The following CSMD1 variants were observed in gnomAD, a reference collection of about 807,000 sequenced individuals.
CSMD1 encodes CUB and sushi domain-containing protein 1.
A neutral mutation model predicts 417.5 loss-of-function variants in CSMD1; 213 were observed. The observed-to-expected ratio is 0.51, with a 90% CI of 0.46 to 0.57. The LOEUF (loss-of-function observed/expected upper bound fraction) is 0.57, where lower values mean the gene tolerates loss of function less well. Ranked by LOEUF, CSMD1 falls within the 20% of genes least tolerant of loss-of-function variation. The pLI is 0.00. For synonymous variants in CSMD1, 2,862 were observed against 1,736.8 expected (o/e 1.65, Z -16.11); for missense variants, 6,923 against 4,529.7 (o/e 1.53, Z -15.17).
At chr8:4,136,204 A>T (rs1456714086) in intron 3 of CSMD1, among the ~76,000 whole-genome samples, 1 of 152,242 alleles carries the variant, frequency 6.6e-6, no homozygotes, top group Non-Finnish European at 1.5e-5. Flanking sequence ...ATGTGAACAC[A>T]AAAATTGATC....
At chr8:4,905,574 CT>C (rs1805190327) in intron 1 of CSMD1, among the ~76,000 whole-genome samples, 1 of 151,962 alleles carries the variant, frequency 6.6e-6, no homozygotes, top group Non-Finnish European at 1.5e-5. Context: ...AATCCCAGCA[CT>C]TTGGGAGGCC....
chr8:4,443,939 A>C (rs904468196), intron 2 of CSMD1, among the ~76,000 whole-genome samples: 2 of 152,168 alleles, frequency 1.3e-5, no homozygotes, highest in Admixed American at 6.5e-5. Flanking sequence ...ATATACATGC[A>C]TATATTCGTG....
At chr8:4,248,934 G>A (rs994666119) in intron 3 of CSMD1, among the ~76,000 whole-genome samples, 1 of 152,192 alleles carries the variant, frequency 6.6e-6, no homozygotes, top group Non-Finnish European at 1.5e-5. Context: ...TTTAATGCAT[G>A]TAGATGCATA....
At chr8:4,001,688 T>C (rs2130367114) in intron 4 of CSMD1, among the ~76,000 whole-genome samples, 1 of 152,300 alleles carries the variant, frequency 6.6e-6, no homozygotes, top group South Asian at 2.1e-4. Flanking sequence ...TTTCCGTTGA[T>C]GAATGAGTGG....
At chr8:4,397,202 T>A (rs981375192) in intron 3 of CSMD1, among the ~76,000 whole-genome samples, 22 of 151,842 alleles carry the variant, frequency 1.4e-4, no homozygotes, top group Admixed American at 4.6e-4. Context: ...GATCCTATTT[T>A]AAAAAAAACA....
At chr8:3,718,646 G>A (rs934729058) in intron 6 of CSMD1, among the ~76,000 whole-genome samples, 1 of 152,148 alleles carries the variant, frequency 6.6e-6, no homozygotes, top group Non-Finnish European at 1.5e-5. Context: ...AGGTAGTATG[G>A]AGGATTAGCG....
At chr8:4,716,117 G>A (rs1047998783) in intron 1 of CSMD1, among the ~76,000 whole-genome samples, 1 of 152,158 alleles carries the variant, frequency 6.6e-6, no homozygotes, top group African/African-American at 2.4e-5. Flanking sequence ...GAGACTCACA[G>A]AGCTGTGAGA....
chr8:4,309,496 A>G (rs1474292130), intron 3 of CSMD1, among the ~76,000 whole-genome samples: 2 of 152,148 alleles, frequency 1.3e-5, no homozygotes, highest in Non-Finnish European at 2.9e-5. Flanking sequence ...TTCTCTCATC[A>G]AATTTCTAAA....
At chr8:3,702,634 C>T (rs1015182812) in intron 7 of CSMD1, among the ~76,000 whole-genome samples, 1 of 152,198 alleles carries the variant, frequency 6.6e-6, no homozygotes, top group Non-Finnish European at 1.5e-5. Flanking sequence ...AATTCAAGAT[C>T]AGCTTTTCCA....
At chr8:4,523,055 G>A (rs1037798001) in intron 2 of CSMD1, among the ~76,000 whole-genome samples, 3 of 152,182 alleles carry the variant, frequency 2.0e-5, no homozygotes, top group Admixed American at 6.5e-5. Context: ...GCTCTGCAGA[G>A]CTGCAAAATT....
intron 1 of CSMD1, among the ~76,000 whole-genome samples, chr8:4,906,708 C>T (rs138585000): frequency 7.8e-4 from 119 of 152,262 alleles, no homozygotes; most frequent in African/African-American, 2.7e-3. Context: ...AGGCGCATGC[C>T]ACCATGTCCA....
At chr8:4,581,143 A>C (rs188140660) in intron 2 of CSMD1, among the ~76,000 whole-genome samples, 1 of 152,362 alleles carries the variant, frequency 6.6e-6, no homozygotes, top group African/African-American at 2.4e-5. Flanking sequence ...TCTTTAGTCA[A>C]GGATACCATC....
chr8:3,511,779 T>TAACATAACAA (rs1797080695), intron 10 of CSMD1, among the ~76,000 whole-genome samples: 1 of 133,968 alleles, frequency 7.5e-6, no homozygotes, highest in African/African-American at 2.8e-5. Flanking sequence ...TAACATAACA[T>TAACATAACAA]AACATAACAT....
At chr8:3,455,999 C>T (rs1050753391) in intron 12 of CSMD1, among the ~76,000 whole-genome samples, 8 of 152,172 alleles carry the variant, frequency 5.3e-5, no homozygotes, top group African/African-American at 1.9e-4. Context: ...CCTACTCAAG[C>T]CTGGGCAATG....
At chr8:3,965,039 G>C (rs1000489802) in intron 5 of CSMD1, among the ~76,000 whole-genome samples, 2 of 152,180 alleles carry the variant, frequency 1.3e-5, no homozygotes, top group African/African-American at 4.8e-5. Context: ...TACACAATGT[G>C]CTTGTAAATA....
At chr8:4,816,796 G>A (rs1799232544) in intron 1 of CSMD1, among the ~76,000 whole-genome samples, 2 of 152,098 alleles carry the variant, frequency 1.3e-5, no homozygotes, top group Admixed American at 1.3e-4. Flanking sequence ...AGGAAAAGAT[G>A]GGAGAGATGT....
intron 5 of CSMD1, among the ~76,000 whole-genome samples, chr8:3,855,383 A>G (rs905888570): frequency 6.6e-6 from 1 of 152,068 alleles, no homozygotes; most frequent in Non-Finnish European, 1.5e-5. Context: ...TGAACAACAG[A>G]ACAAAATAAA....
At chr8:4,017,681 G>A (rs1228840535) in intron 4 of CSMD1, among the ~76,000 whole-genome samples, 1 of 151,520 alleles carries the variant, frequency 6.6e-6, no homozygotes, top group Non-Finnish European at 1.5e-5. Context: ...TTTCAAATTC[G>A]ACTTCAAAAA....
At chr8:3,349,932 A>T (rs1017742609) in intron 21 of CSMD1, among the ~76,000 whole-genome samples, 1 of 144,634 alleles carries the variant, frequency 6.9e-6, no homozygotes, top group Non-Finnish European at 1.5e-5. Context: ...TATATTATAT[A>T]TAATATATAT....
Sources: allele counts gnomAD v4.1 joint callset (sites outside exome capture counted in the v4.1 genomes callset), GRCh38; gene constraint gnomAD v4.1.1; transcripts MANE v1.5; gene names NCBI Gene and HGNC (gene_info 2026-07-23, HGNC 2026-07-21).